ZNF782: variants seen among roughly 807,000 people sequenced by gnomAD.
ZNF782 encodes the protein zinc finger protein 782.
ZNF782 carries 12 observed loss-of-function variants against 13.0 expected under a neutral mutation model. The ratio of observed to expected loss-of-function variants is 0.92; its 90% CI spans 0.59 to 1.50. ZNF782 has a LOEUF of 1.50. Among genes scored for constraint, ZNF782 ranks in the 40% most tolerant of loss-of-function variants. ZNF782 has a pLI of 0.00. For missense variants in ZNF782, 770 were observed against 822.9 expected, an observed-to-expected ratio of 0.94 and a Z score of 0.79; for synonymous variants, 284 against 283.0, an observed-to-expected ratio of 1.00 and a Z score of -0.04.
chr9:96,839,663 C>T (rs563897431), intron 4 of ZNF782, among the ~76,000 whole-genome samples: 2 of 151,966 alleles, frequency 1.3e-5, no homozygotes, highest in African/African-American at 2.4e-5. Context: ...ATCACTCACC[C>T]CCCCCACCTG....
the ZNF782 span, among the ~76,000 whole-genome samples, chr9:96,916,950 T>A: frequency 1.0e-5 from 1 of 95,626 alleles, no homozygotes; most frequent in African/African-American, 4.0e-5. Context: ...CCATCCATAA[T>A]CTGGATCCAG....
the ZNF782 span, among the ~76,000 whole-genome samples, chr9:96,931,346 C>T: frequency 6.6e-6 from 1 of 151,696 alleles, no homozygotes; most frequent in African/African-American, 2.4e-5. Context: ...TGGGGTAGGC[C>T]CCTCACCTGC....
chr9:96,878,206 G>C (rs528877790), upstream of ZNF782, among the ~76,000 whole-genome samples: 598 of 152,152 alleles, frequency 3.9e-3, 3 homozygotes, highest in African/African-American at 0.014. Context: ...GCGCCACCAC[G>C]CCCGGCTAAT....
chr9:96,859,513 T>C (rs1047048983), upstream of ZNF782, among the ~76,000 whole-genome samples: 25 of 152,280 alleles, frequency 1.6e-4, no homozygotes, highest in African/African-American at 6.0e-4. Flanking sequence ...AGACAAACTC[T>C]GGGCTACAAG....
chr9:96,863,780 T>C (rs957523552), intron 1 of ZNF782, among the ~76,000 whole-genome samples: 1 of 152,172 alleles, frequency 6.6e-6, no homozygotes, highest in African/African-American at 2.4e-5. Flanking sequence ...AAATATCATA[T>C]GTTCTCACTT....
chr9:96,846,169 C>A (rs1442890725), intron 3 of ZNF782, among the ~76,000 whole-genome samples: 2 of 152,084 alleles, frequency 1.3e-5, no homozygotes, highest in African/African-American at 4.8e-5. Flanking sequence ...GTTACCAAAC[C>A]AGCACTATGA....
the ZNF782 span, among the ~76,000 whole-genome samples, chr9:96,901,841 T>C: frequency 4.3e-5 from 6 of 139,234 alleles, no homozygotes; most frequent in East Asian, 1.1e-3. Flanking sequence ...ATCGCGCCAT[T>C]GCACCCCAGC....
chr9:96,894,109 C>T, the ZNF782 span: 4 of 151,760 alleles, frequency 2.6e-5, no homozygotes, highest in African/African-American at 7.3e-5. Flanking sequence ...AACCAAACAC[C>T]GCATGTTCTC....
the ZNF782 span, among the ~76,000 whole-genome samples, chr9:96,927,340 T>G: frequency 1.3e-5 from 2 of 152,046 alleles, no homozygotes; most frequent in African/African-American, 4.8e-5. Flanking sequence ...CTAGGAATTG[T>G]AAGCCACTTT....
At chr9:96,846,833 C>A (rs1851352871) in intron 3 of ZNF782, among the ~76,000 whole-genome samples, 1 of 152,156 alleles carries the variant, frequency 6.6e-6, no homozygotes, top group Non-Finnish European at 1.5e-5. Flanking sequence ...CACACTAGAA[C>A]AAACGAACTT....
At chr9:96,929,563 G>A in the ZNF782 span, among the ~76,000 whole-genome samples, 1 of 152,148 alleles carries the variant, frequency 6.6e-6, no homozygotes, top group Non-Finnish European at 1.5e-5. Context: ...GGGTGGGCAA[G>A]GCTGGGGGCC....
chr9:96,883,452 G>C, the ZNF782 span, among the ~76,000 whole-genome samples: 1 of 152,104 alleles, frequency 6.6e-6, no homozygotes, highest in African/African-American at 2.4e-5. Context: ...ACACTGAAGA[G>C]AGACTGCTTC....
At chr9:96,920,047 C>T in the ZNF782 span, among the ~76,000 whole-genome samples, 4 of 150,936 alleles carry the variant, frequency 2.7e-5, no homozygotes, top group Non-Finnish European at 5.9e-5. Flanking sequence ...AGTAGGTAAA[C>T]TTCTGAAAGT....
the ZNF782 span, chr9:96,931,640 T>A: frequency 2.6e-6 from 4 of 1,512,048 alleles, no homozygotes; most frequent in Admixed American, 3.6e-5. Flanking sequence ...TGCCCTCAGC[T>A]GTTGGGACTC....
At chr9:96,866,014 G>C (rs1851749880) in intron 1 of ZNF782, among the ~76,000 whole-genome samples, 2 of 152,212 alleles carry the variant, frequency 1.3e-5, no homozygotes, top group South Asian at 2.1e-4. Context: ...TGTTTTAAAA[G>C]GGACACAGAG....
chr9:96,912,109 G>A, the ZNF782 span, among the ~76,000 whole-genome samples: 2 of 147,540 alleles, frequency 1.4e-5, no homozygotes, highest in Non-Finnish European at 3.0e-5. Context: ...GCTGAGGCAG[G>A]AGAATCGCTT....
chr9:96,905,882 C>T, the ZNF782 span, among the ~76,000 whole-genome samples: 1 of 152,150 alleles, frequency 6.6e-6, no homozygotes, highest in African/African-American at 2.4e-5. Context: ...CCGTGCCCGG[C>T]CTATTCCTCT....
the ZNF782 span, among the ~76,000 whole-genome samples, chr9:96,881,236 CTTT>C: frequency 6.6e-6 from 1 of 152,034 alleles, no homozygotes; most frequent in African/African-American, 2.4e-5. Flanking sequence ...TTGATTTCCT[CTTT>C]TGTTTTTATG....
chr9:96,847,544 T>C (rs1275147060), intron 3 of ZNF782, among the ~76,000 whole-genome samples: 1 of 152,256 alleles, frequency 6.6e-6, no homozygotes, highest in East Asian at 1.9e-4. Context: ...CGCCTTCATG[T>C]GCACAAACTA....
Sources: gnomAD v4.1 joint callset for allele counts (sites outside exome capture counted in the v4.1 genomes callset) on GRCh38, gnomAD v4.1.1 for gene constraint, MANE v1.5 for transcripts, NCBI Gene and HGNC (gene_info 2026-07-23, HGNC 2026-07-21) for gene names.